MTHFD1L: variants seen among roughly 807,000 people sequenced by gnomAD.
MTHFD1L encodes methylenetetrahydrofolate dehydrogenase (NADP+ dependent) 1 like, also known as monofunctional C1-tetrahydrofolate synthase, mitochondrial.
In MTHFD1L, 81 loss-of-function variants were observed where a neutral mutation model predicts 119.5. That is an observed-to-expected ratio of 0.68 (90% CI 0.57 to 0.82). The LOEUF is 0.82. MTHFD1L is among the 40% of genes least tolerant of loss of function. The pLI, the probability that MTHFD1L is intolerant of heterozygous loss-of-function variation, is 0.00. For synonymous variants in MTHFD1L, 430 were observed against 475.2 expected (o/e 0.90, Z 1.24); for missense variants, 1,125 against 1,253.4 (o/e 0.90, Z 1.55).
intron 19 of MTHFD1L, among the ~76,000 whole-genome samples, chr6:150,967,802 C>G (rs1797439709): frequency 6.6e-6 from 1 of 152,150 alleles, no homozygotes; most frequent in African/African-American, 2.4e-5. Context: ...GCCTCCCAAC[C>G]AGTCTCTCTG....
chr6:150,922,198 G>C lies in MTHFD1L; in HGVS notation c.985-7G>C. 8 of 1,611,116 alleles carry C rather than the reference G, an allele frequency of 5.0e-6. No individual in the cohort carries two copies. The highest frequency in any genetic ancestry group is 6.8e-6 in the Non-Finnish European group (8 of 1,177,440). The stretch of plus-strand genomic sequence containing the variant: ...CTAACATGTTTTCCCCTCTATCCCT[G>C]CTGAAGAACATGGTCAGTAGTGGAA... On this transcript the variant is annotated splice_polypyrimidine_tract_variant and splice_region_variant and intron_variant, in intron 9 of 27. Coordinates refer to ENST00000367321, the MANE Select transcript of MTHFD1L (RefSeq NM_015440.5).
At chr6:150,984,891 G>A (rs1284683455) in intron 20 of MTHFD1L, 2 of 152,150 alleles carry the variant, frequency 1.3e-5, no homozygotes, top group African/African-American at 4.8e-5. Flanking sequence ...AGATAATGGA[G>A]ATGGATTTTC....
intron 26 of MTHFD1L, among the ~76,000 whole-genome samples, chr6:151,055,505 T>C (rs9478930): frequency 0.57 from 85,491 of 150,770 alleles, 24,795 homozygotes; most frequent in African/African-American, 0.68. Context: ...TATTATATAC[T>C]ATGTTTGTGC....
chr6:150,957,621 A>G (rs923946833), intron 17 of MTHFD1L, among the ~76,000 whole-genome samples: 23 of 152,314 alleles, frequency 1.5e-4, no homozygotes, highest in African/African-American at 5.5e-4. Flanking sequence ...AATGTCCAAC[A>G]GTAGAGATGG....
chr6:151,053,517 T>G (rs1789411623), intron 26 of MTHFD1L, among the ~76,000 whole-genome samples: 1 of 152,164 alleles, frequency 6.6e-6, no homozygotes, highest in Non-Finnish European at 1.5e-5. Flanking sequence ...ATACTGAATT[T>G]AGCAAATTAT....
intron 26 of MTHFD1L, among the ~76,000 whole-genome samples, chr6:151,066,494 G>A (rs1315755356): frequency 5.4e-5 from 8 of 148,916 alleles, no homozygotes; most frequent in East Asian, 2.0e-4. Context: ...AGCCGGGTGC[G>A]GTGGCTCACA....
At chr6:150,960,542 C>A in intron 18 of MTHFD1L, 127 bp downstream of exon 18, 1 of 1,250,440 alleles carries the variant, frequency 8.0e-7, no homozygotes, top group Non-Finnish European at 1.1e-6. Context: ...TCCACACACA[C>A]ATTTCTTCCC....
intron 7 of MTHFD1L, among the ~76,000 whole-genome samples, chr6:150,891,146 C>T (rs1783197375): frequency 6.6e-6 from 1 of 152,172 alleles, no homozygotes; most frequent in South Asian, 2.1e-4. Context: ...CCACCATGCC[C>T]AGCTAATTTT....
At chr6:150,967,726 C>T (rs750197936) in intron 19 of MTHFD1L, among the ~76,000 whole-genome samples, 8 of 152,138 alleles carry the variant, frequency 5.3e-5, no homozygotes, top group Non-Finnish European at 8.8e-5. Flanking sequence ...GCCCTGTCCA[C>T]GATGCTCAAT....
chr6:151,009,627 A>C (rs950731972), intron 20 of MTHFD1L, among the ~76,000 whole-genome samples, 192 bp from the exon 21 acceptor site: 2 of 152,186 alleles, frequency 1.3e-5, no homozygotes, highest in Non-Finnish European at 2.9e-5. Flanking sequence ...GGTGGGAAGC[A>C]GAGGAGGGCG....
At chr6:150,909,946 C>T (rs937539007) in intron 8 of MTHFD1L, among the ~76,000 whole-genome samples, 2 of 151,616 alleles carry the variant, frequency 1.3e-5, no homozygotes, top group Non-Finnish European at 2.9e-5. Context: ...TTTGGGAGGC[C>T]GAGGCCAGTG....
chr6:151,029,179 G>A (rs907318435), intron 24 of MTHFD1L, among the ~76,000 whole-genome samples: 7 of 152,146 alleles, frequency 4.6e-5, no homozygotes, highest in Non-Finnish European at 8.8e-5. Flanking sequence ...CCAGCACTTT[G>A]GGAGGCCGAG....
chr6:151,056,593 C>T (rs965468066), intron 26 of MTHFD1L, among the ~76,000 whole-genome samples: 9 of 152,192 alleles, frequency 5.9e-5, no homozygotes, highest in Non-Finnish European at 1.3e-4. Context: ...CCTTCAGCGA[C>T]GTGTTCTATA....
intron 10 of MTHFD1L, among the ~76,000 whole-genome samples, chr6:150,923,789 GT>G: frequency 6.6e-6 from 1 of 151,470 alleles, no homozygotes; most frequent in South Asian, 2.1e-4. Context: ...TCCTGGACAT[GT>G]TTTCATCCCT....
At chr6:150,938,581 T>G in intron 12 of MTHFD1L, 118 bp from the exon 13 acceptor site, 1 of 1,026,008 alleles carries the variant, frequency 9.7e-7, no homozygotes, top group Non-Finnish European at 1.5e-6. Context: ...CTTTTGTTAC[T>G]TCATCTTGGG....
At chr6:151,075,238 C>T (rs144355158) in intron 26 of MTHFD1L, among the ~76,000 whole-genome samples, 18 of 151,782 alleles carry the variant, frequency 1.2e-4, no homozygotes, top group Non-Finnish European at 2.4e-4. Context: ...ATGCAAGAGC[C>T]GACTATTACT....
intron 4 of MTHFD1L, among the ~76,000 whole-genome samples, chr6:150,882,390 C>T (rs914360069): frequency 4.6e-5 from 7 of 152,194 alleles, no homozygotes; most frequent in African/African-American, 1.7e-4. Flanking sequence ...TGAAAACTGG[C>T]AGTGTGTTTG....
intron 7 of MTHFD1L, among the ~76,000 whole-genome samples, chr6:150,897,372 T>G (rs2128813109): frequency 6.6e-6 from 1 of 152,324 alleles, no homozygotes; most frequent in Admixed American, 6.5e-5. Flanking sequence ...TCTAAATGTT[T>G]GAAGGTTGGT....
intron 20 of MTHFD1L, among the ~76,000 whole-genome samples, chr6:150,987,772 A>T (rs1656372012): frequency 6.6e-6 from 1 of 152,194 alleles, no homozygotes; most frequent in Admixed American, 6.5e-5. Context: ...GAAACTAGTA[A>T]CACTTCTGGT....
Sources: gnomAD v4.1 joint callset for allele counts (sites outside exome capture counted in the v4.1 genomes callset) on GRCh38, gnomAD v4.1.1 for gene constraint, MANE v1.5 for transcripts, NCBI Gene and HGNC (gene_info 2026-07-23, HGNC 2026-07-21) for gene names.